ARID4B: variants seen among roughly 807,000 people sequenced by gnomAD.
The protein encoded by ARID4B is AT-rich interaction domain 4B.
ARID4B carries 26 observed loss-of-function variants against 147.5 expected under a neutral mutation model. The observed-to-expected ratio is 0.18, with a 90% confidence interval of 0.13 to 0.24. The LOEUF is 0.24. ARID4B is among the 10% of genes least tolerant of loss of function. ARID4B has a pLI of 1.00. For synonymous variants in ARID4B, 512 were observed against 507.9 expected (o/e 1.01, Z -0.11); for missense variants, 1,179 against 1,511.5 (o/e 0.78, Z 3.65).
chr1:235,215,267 C>G (rs1265926833), intron 16 of ARID4B, among the ~76,000 whole-genome samples: 2 of 152,004 alleles, frequency 1.3e-5, no homozygotes, highest in Non-Finnish European at 2.9e-5. Context: ...ATAAATCTTT[C>G]CAAACACTAG....
intron 2 of ARID4B, among the ~76,000 whole-genome samples, chr1:235,291,829 T>C (rs1283614232): frequency 1.3e-5 from 2 of 152,250 alleles, no homozygotes; most frequent in East Asian, 3.9e-4. Context: ...TGACAAAATT[T>C]AAAAGTGCAG....
At chr1:235,179,800 G>A (rs184594399) in intron 20 of ARID4B, among the ~76,000 whole-genome samples, 106 of 151,976 alleles carry the variant, frequency 7.0e-4, no homozygotes, top group African/African-American at 2.3e-3. Context: ...GCTAGGCACG[G>A]TGGCTCATGC....
chr1:235,172,857 T>C (rs1381685684), intron 22 of ARID4B, 93 bp from the exon 23 acceptor site: 3 of 1,065,592 alleles, frequency 2.8e-6, no homozygotes, highest in African/African-American at 3.3e-5. Context: ...CTGAATAAGG[T>C]TGAGGCAGAT....
At chr1:235,217,026 C>A (rs1176562301) in intron 16 of ARID4B, among the ~76,000 whole-genome samples, 1 of 152,106 alleles carries the variant, frequency 6.6e-6, no homozygotes, top group Non-Finnish European at 1.5e-5. Flanking sequence ...ACAAACAATT[C>A]TAAATGCCAA....
intron 2 of ARID4B, among the ~76,000 whole-genome samples, chr1:235,316,983 T>C (rs1217534608): frequency 6.6e-6 from 1 of 152,210 alleles, no homozygotes; most frequent in Non-Finnish European, 1.5e-5. Flanking sequence ...GTTCAAATAC[T>C]AAGCATATAA....
At position 235,267,990 on chromosome 1, in the gene ARID4B, G is replaced by A. The variant is rs181126844; in HGVS notation, c.7-7238C>T. Among the ~76,000 whole-genome samples, 3 of 152,074 alleles carry A rather than the reference G, an allele frequency of 2.0e-5. No individual in the cohort carries two copies. In the East Asian group the frequency reaches 5.8e-4, roughly 29 times the overall value. On this transcript the variant is annotated intron_variant, in intron 2 of 23. Transcript: ENST00000264183. ...CCATTTCTTCTCTCCTTTTTCATGT[G>A]GCACTAAGGACATGGATTTGTGAAG...
At chr1:235,232,328 G>A (rs1346419912) in intron 9 of ARID4B, among the ~76,000 whole-genome samples, 1 of 152,078 alleles carries the variant, frequency 6.6e-6, no homozygotes, top group East Asian at 1.9e-4. Flanking sequence ...GCTGAGGCAG[G>A]AGAATCGCTT....
At chr1:235,216,550 C>T (rs1667093964) in intron 16 of ARID4B, among the ~76,000 whole-genome samples, 1 of 151,998 alleles carries the variant, frequency 6.6e-6, no homozygotes, top group Non-Finnish European at 1.5e-5. Context: ...ACCATGTTGG[C>T]CAGGCTGGTC....
At chr1:235,184,937 C>A (rs968313199) in intron 19 of ARID4B, among the ~76,000 whole-genome samples, 1 of 152,154 alleles carries the variant, frequency 6.6e-6, no homozygotes, top group Admixed American at 6.5e-5. Flanking sequence ...CTGCCTCGGC[C>A]TCCCAAGCAG....
intron 22 of ARID4B, among the ~76,000 whole-genome samples, chr1:235,173,767 AAAAAATATATATATATATATATATAT>A (rs1226085853): frequency 2.2e-5 from 1 of 46,264 alleles, no homozygotes; most frequent in African/African-American, 1.3e-4. Flanking sequence ...AAAAAAAAAA[AAAAAATATATATATATATATATATAT>A]ATATATATAT....
chr1:235,293,240 C>T (rs1000389487), intron 2 of ARID4B, among the ~76,000 whole-genome samples: 6 of 152,138 alleles, frequency 3.9e-5, no homozygotes, highest in Non-Finnish European at 8.8e-5. Flanking sequence ...ATATATGCTA[C>T]TAGAGGATTT....
chr1:235,172,819 A>G (rs1020366668), intron 22 of ARID4B, 55 bp from the exon 23 acceptor site: 1 of 1,367,222 alleles, frequency 7.3e-7, no homozygotes, highest in African/African-American at 1.5e-5. Flanking sequence ...TTTAACATAC[A>G]AAAAGGAGAG....
At chr1:235,302,178 C>CAAAAAAAAAAAAAAAAAAAAAAAAAA (rs1673212702) in intron 2 of ARID4B, among the ~76,000 whole-genome samples, 1 of 28,380 alleles carries the variant, frequency 3.5e-5, no homozygotes, top group Non-Finnish European at 6.5e-5. Flanking sequence ...AAAAAAAAAA[C>CAAAAAAAAAAAAAAAAAAAAAAAAAA]AGCAAAAAAA....
rs553248297 is a variant in ARID4B at position 235,212,166 on chromosome 1, G to A, written c.1841+1603C>T. Among the ~76,000 whole-genome samples, 6 of 152,168 alleles carry A rather than the reference G, an allele frequency of 3.9e-5. No individual in the cohort carries two copies. In the East Asian group the frequency reaches 1.2e-3, roughly 29 times the overall value. On this transcript the variant is annotated intron_variant, in intron 17 of 23. Coordinates refer to ENST00000264183, the MANE Select transcript of ARID4B (RefSeq NM_016374.6). ...AGGCTGCAGCACAAGAATCGCTTGAGCCTGGGAGGTGGAAGTTGCAGTGAG... is the reference window on the plus strand; with the variant it reads ...AGGCTGCAGCACAAGAATCGCTTGAACCTGGGAGGTGGAAGTTGCAGTGAG...
intron 2 of ARID4B, among the ~76,000 whole-genome samples, chr1:235,310,778 T>C (rs1572216133): frequency 6.6e-6 from 1 of 152,090 alleles, no homozygotes; most frequent in Non-Finnish European, 1.5e-5. Context: ...CAAGCAATCC[T>C]CCCAGCCTCA....
chr1:235,175,068 C>T, intron 22 of ARID4B, 116 bp downstream of exon 22: 1 of 899,562 alleles, frequency 1.1e-6, no homozygotes, highest in Non-Finnish European at 1.7e-6. Flanking sequence ...GATCGCACCA[C>T]CGCACTCCAG....
chr1:235,220,191 TAAAC>T (rs3049581), intron 15 of ARID4B, 107 bp downstream of exon 15: 102,908 of 1,019,798 alleles, frequency 0.1, 9,694 homozygotes, highest in East Asian at 0.57. Context: ...ATGAAGAAAA[TAAAC>T]AAATAATAAA....
At chr1:235,223,393 A>T (rs1161356185) in intron 12 of ARID4B, 133 bp from the exon 13 acceptor site, 1 of 192,876 alleles carries the variant, frequency 5.2e-6, no homozygotes, top group Non-Finnish European at 9.9e-6. Flanking sequence ...ACACGTATAT[A>T]TATGTGTGTG....
chr1:235,184,933 C>T (rs373864417), intron 19 of ARID4B, among the ~76,000 whole-genome samples: 4 of 152,144 alleles, frequency 2.6e-5, no homozygotes, highest in South Asian at 2.1e-4. Context: ...TCTCCTGCCT[C>T]GGCCTCCCAA....
Sources: allele counts gnomAD v4.1 joint callset (sites outside exome capture counted in the v4.1 genomes callset), GRCh38; gene constraint gnomAD v4.1.1; transcripts MANE v1.5; gene names NCBI Gene and HGNC (gene_info 2026-07-23, HGNC 2026-07-21).